The following ZDHHC21 variants were observed in gnomAD, a reference collection of about 807,000 sequenced individuals.
The protein encoded by ZDHHC21 is palmitoyltransferase ZDHHC21.
ZDHHC21 carries 15 observed loss-of-function variants against 34.6 expected under a neutral mutation model. The observed-to-expected ratio is 0.43, with a 90% CI of 0.29 to 0.67. The LOEUF is 0.67. ZDHHC21 is among the 30% of genes least tolerant of loss of function. ZDHHC21 has a pLI of 0.14. For missense variants in ZDHHC21, 344 were observed against 327.7 expected, an observed-to-expected ratio of 1.05 and a Z score of -0.38; for synonymous variants, 142 against 101.8, an observed-to-expected ratio of 1.40 and a Z score of -2.38.
At chr9:14,620,778 G>T (rs1825170388) in intron 8 of ZDHHC21, among the ~76,000 whole-genome samples, 2 of 151,924 alleles carry the variant, frequency 1.3e-5, no homozygotes, top group South Asian at 2.1e-4. Context: ...CAGAGAAAAT[G>T]GATCTATTTT....
Position 14,619,639 on chromosome 9 carries a change from A to T in ZDHHC21, c.665T>A (p.Ile222Lys). ...CTATACACTTCAGTTTTATACTTAC[A>T]TATCTTCACAACAGTTTGACATCTT... ...IEKMSNCCED[I>K]SRPRKPWQQT... The change falls in exon 9 of 10, where the codon ATA becomes AAA. Residue 222 changes from isoleucine to lysine, a missense_variant and splice_region_variant. Ile to Lys is a moderately radical substitution (Grantham distance 102, BLOSUM62 -3). Coordinates refer to ENST00000380916, the MANE Select transcript of ZDHHC21 (RefSeq NM_178566.6). 2 of 1,416,328 alleles carry T rather than the reference A, an allele frequency of 1.4e-6. No individual in the cohort carries two copies. The highest frequency in any genetic ancestry group is 9.7e-7 in the Non-Finnish European group (1 of 1,030,854). 87.7% of individuals were successfully genotyped at this position (1,416,328 alleles called of 1,614,324 possible).
chr9:14,596,835 T>C, the ZDHHC21 span, among the ~76,000 whole-genome samples: 1 of 151,908 alleles, frequency 6.6e-6, no homozygotes, highest in African/African-American at 2.4e-5. Context: ...AAACAGTGAG[T>C]AGAAGATCAC....
In ZDHHC21 at chr9:14,673,643, G is replaced by A. The variant is rs538696607; in HGVS notation, c.154+544C>T. On this transcript the variant is annotated intron_variant, in intron 4 of 9. Transcript: ENST00000380916. ...ATATATATAAAATTTCCCATGGTTCGTGTGAGGTCAAAATGAGGTAATGTG... is the reference window on the plus strand; with the variant it reads ...ATATATATAAAATTTCCCATGGTTCATGTGAGGTCAAAATGAGGTAATGTG... Among the ~76,000 whole-genome samples, 18 of 151,834 alleles carry A rather than the reference G, an allele frequency of 1.2e-4. No homozygotes were observed. In the East Asian group the frequency reaches 1.4e-3, roughly 11 times the overall value.
intron 6 of ZDHHC21, among the ~76,000 whole-genome samples, chr9:14,659,151 G>A (rs1350731808): frequency 6.6e-6 from 1 of 152,214 alleles, no homozygotes; most frequent in South Asian, 2.1e-4. Context: ...AAGAGCAGAC[G>A]GTAGTCTCCT....
intron 7 of ZDHHC21, among the ~76,000 whole-genome samples, chr9:14,650,760 T>A (rs1831107610): frequency 6.6e-6 from 1 of 151,990 alleles, no homozygotes; most frequent in African/African-American, 2.4e-5. Context: ...CCAATTGGAA[T>A]AATAATAATG....
intron 9 of ZDHHC21, among the ~76,000 whole-genome samples, 174 bp downstream of exon 9, chr9:14,619,465 T>G (rs1219289469): frequency 6.6e-6 from 1 of 152,120 alleles, no homozygotes; most frequent in African/African-American, 2.4e-5. Flanking sequence ...AAAACTACCA[T>G]GGCTGGAAAA....
At chr9:14,676,375 G>C (rs1031061494) in intron 3 of ZDHHC21, among the ~76,000 whole-genome samples, 2 of 151,812 alleles carry the variant, frequency 1.3e-5, no homozygotes, top group Middle Eastern at 3.2e-3. Context: ...ATCCCTTAGA[G>C]GCCTTGCCCA....
intron 7 of ZDHHC21, among the ~76,000 whole-genome samples, chr9:14,647,961 A>G (rs1277543852): frequency 1.3e-5 from 2 of 152,074 alleles, no homozygotes; most frequent in Non-Finnish European, 2.9e-5. Context: ...TAGCTGCTTA[A>G]TTAACATCTG....
intron 5 of ZDHHC21, among the ~76,000 whole-genome samples, chr9:14,672,371 G>A (rs940074481): frequency 7.9e-5 from 12 of 151,954 alleles, no homozygotes; most frequent in Non-Finnish European, 1.6e-4. Context: ...CAGGTAACCA[G>A]CACCAAAAAG....
intron 7 of ZDHHC21, among the ~76,000 whole-genome samples, chr9:14,650,065 T>C (rs1830956674): frequency 1.3e-5 from 2 of 152,052 alleles, no homozygotes; most frequent in Admixed American, 6.6e-5. Flanking sequence ...TATGGAAACA[T>C]GTTTAATGAG....
At position 14,643,497 on chromosome 9, in the gene ZDHHC21, T is replaced by C. The variant is rs552929593; in HGVS notation, c.505-3485A>G. Among the ~76,000 whole-genome samples, 8 of 152,314 alleles carry C rather than the reference T, an allele frequency of 5.3e-5. No individual in the cohort carries two copies. In the South Asian group the frequency reaches 1.7e-3, roughly 32 times the overall value. ...CCTATTCACTCTCTTGATGGCACCT[T>C]TTTATAAACTAAAGTCTTAATTTTA... On this transcript the variant is annotated intron_variant, in intron 7 of 9. Coordinates refer to ENST00000380916, the MANE Select transcript of ZDHHC21 (RefSeq NM_178566.6).
At chr9:14,597,862 C>T in the ZDHHC21 span, among the ~76,000 whole-genome samples, 1 of 152,106 alleles carries the variant, frequency 6.6e-6, no homozygotes, top group South Asian at 2.1e-4. Flanking sequence ...TACCAACACC[C>T]AGACACATCA....
rs551270897 is a variant in ZDHHC21 at position 14,616,030 on chromosome 9, A to G, written c.*2936T>C. The G allele has an allele frequency of 6.6e-6, 1 of 151,868 alleles. No homozygotes were observed. The highest frequency in any genetic ancestry group is 2.1e-4 in the South Asian group (1 of 4,824). 9.4% of individuals were successfully genotyped at this position (151,868 alleles called of 1,614,324 possible). The stretch of plus-strand genomic sequence containing the variant: ...TAACTCTGCGAAATGTAAAAAAAAG[A>G]ACAAAGAAAAGGAAAATTATACAAA... On this transcript the variant is annotated 3_prime_UTR_variant, in exon 10 of 10. Coordinates refer to ENST00000380916, the MANE Select transcript of ZDHHC21 (RefSeq NM_178566.6).
chr9:14,622,787 T>C, intron 8 of ZDHHC21: 1 of 962,974 alleles, frequency 1.0e-6, no homozygotes, highest in African/African-American at 1.8e-5. Context: ...TGTTTAACCC[T>C]GCAAACAATT....
At chr9:14,691,101 G>A (rs1442070884) in intron 1 of ZDHHC21, among the ~76,000 whole-genome samples, 1 of 152,152 alleles carries the variant, frequency 6.6e-6, no homozygotes, top group Non-Finnish European at 1.5e-5. Flanking sequence ...CACCTCCTAT[G>A]CTAAAAAAGT....
downstream of ZDHHC21, among the ~76,000 whole-genome samples, chr9:14,607,694 C>T (rs749721543): frequency 3.9e-5 from 6 of 151,940 alleles, no homozygotes; most frequent in Non-Finnish European, 7.4e-5. Flanking sequence ...AAAAACTGAT[C>T]AATTTTTCAT....
intron 7 of ZDHHC21, among the ~76,000 whole-genome samples, chr9:14,643,259 T>C (rs1272606519): frequency 1.3e-5 from 2 of 151,636 alleles, no homozygotes; most frequent in African/African-American, 2.4e-5. Context: ...AAAAAATATA[T>C]ATATATAAAG....
chr9:14,668,105 C>T (rs10961645), intron 5 of ZDHHC21, among the ~76,000 whole-genome samples: 42,087 of 47,956 alleles, frequency 0.88, 18,862 homozygotes, highest in Non-Finnish European at 0.93. Flanking sequence ...GAAAACCCCA[C>T]TGTCTCAGCC....
At chr9:14,648,078 T>C (rs142924957) in intron 7 of ZDHHC21, among the ~76,000 whole-genome samples, 2,190 of 152,226 alleles carry the variant, frequency 0.014, 29 homozygotes, top group Non-Finnish European at 0.02. Context: ...AACTGGTATC[T>C]CCATTCTTCC....
Sources: gnomAD v4.1 joint callset for allele counts (sites outside exome capture counted in the v4.1 genomes callset) on GRCh38, gnomAD v4.1.1 for gene constraint, MANE v1.5 for transcripts, NCBI Gene and HGNC (gene_info 2026-07-23, HGNC 2026-07-21) for gene names.